The following PARD3B variants were observed in gnomAD, a reference collection of about 807,000 sequenced individuals.
The protein encoded by PARD3B is par-3 family cell polarity regulator beta.
Under a neutral mutation model 130.2 loss-of-function variants are expected in PARD3B, and 103 were observed. The ratio of observed to expected loss-of-function variants is 0.79; its 90% confidence interval spans 0.67 to 0.93. The LOEUF is 0.93. PARD3B is among the 40% of genes least tolerant of loss of function. The pLI is 0.00. For synonymous variants in PARD3B, 583 were observed against 553.2 expected, an observed-to-expected ratio of 1.05 and a Z score of -0.76; for missense variants, 1,609 against 1,499.2, an observed-to-expected ratio of 1.07 and a Z score of -1.21.
intron 2 of PARD3B, among the ~76,000 whole-genome samples, chr2:204,950,388 TA>T (rs376780922): frequency 1.9e-4 from 29 of 152,288 alleles, no homozygotes; most frequent in African/African-American, 6.5e-4. Flanking sequence ...TCCCTACATT[TA>T]AAAAGTGGTG....
chr2:205,036,408 G>A (rs1353486521), intron 3 of PARD3B, among the ~76,000 whole-genome samples: 2 of 146,120 alleles, frequency 1.4e-5, no homozygotes, highest in Non-Finnish European at 3.0e-5. Context: ...TACGTATATA[G>A]CAGACTATAT....
intron 4 of PARD3B, among the ~76,000 whole-genome samples, chr2:205,079,249 C>G (rs1444573738): frequency 6.6e-6 from 1 of 152,156 alleles, no homozygotes; most frequent in African/African-American, 2.4e-5. Flanking sequence ...TCTCAAAAAG[C>G]TAATCCAATG....
chr2:204,774,719 C>T (rs1013566635), intron 2 of PARD3B, among the ~76,000 whole-genome samples: 1 of 152,028 alleles, frequency 6.6e-6, no homozygotes, highest in Non-Finnish European at 1.5e-5. Flanking sequence ...GTAAGAATAC[C>T]TTTGCATAAG....
At chr2:205,072,219 A>T (rs1034720048) in intron 4 of PARD3B, among the ~76,000 whole-genome samples, 3 of 149,400 alleles carry the variant, frequency 2.0e-5, no homozygotes, top group Admixed American at 6.9e-5. Context: ...TTTGGACTTC[A>T]TAATTAAAAT....
chr2:205,378,705 C>T (rs942277924), intron 18 of PARD3B, among the ~76,000 whole-genome samples: 2 of 149,804 alleles, frequency 1.3e-5, no homozygotes, highest in Non-Finnish European at 3.0e-5. Context: ...GATCTCAGCT[C>T]ACTGCAACCT....
intron 2 of PARD3B, among the ~76,000 whole-genome samples, chr2:204,730,556 G>A (rs1163895639): frequency 1.4e-5 from 2 of 145,742 alleles, no homozygotes; most frequent in African/African-American, 5.2e-5. Flanking sequence ...AAGCAATCTT[G>A]CAGACAGATG....
At position 205,606,833 on chromosome 2, in the gene PARD3B, G is replaced by A. The variant is rs151182309; in HGVS notation, c.3261-8623G>A. ...AGGTTATTTGCAGAGCAGGTAACACGTCTTACAAACCCCCATAGCCACAGG... is the reference window on the plus strand; with the variant it reads ...AGGTTATTTGCAGAGCAGGTAACACATCTTACAAACCCCCATAGCCACAGG... On this transcript the variant is annotated intron_variant, in intron 22 of 22. Coordinates refer to ENST00000406610, the MANE Select transcript of PARD3B (RefSeq NM_001302769.2). 9.7e-4 allele frequency among the ~76,000 whole-genome samples: 147 copies of A among 152,168 alleles called. 1 individual carries two copies. The highest frequency in any genetic ancestry group is 3.4e-3 in the African/African-American group (143 of 41,502).
intron 2 of PARD3B, among the ~76,000 whole-genome samples, chr2:204,849,144 A>T (rs558550804): frequency 6.6e-6 from 1 of 152,138 alleles, no homozygotes; most frequent in African/African-American, 2.4e-5. Flanking sequence ...CTATTGGAAA[A>T]AGACATCCAC....
At chr2:204,866,526 C>T (rs1218956382) in intron 2 of PARD3B, among the ~76,000 whole-genome samples, 1 of 152,002 alleles carries the variant, frequency 6.6e-6, no homozygotes, top group Non-Finnish European at 1.5e-5. Flanking sequence ...GTATTGACCT[C>T]CTACTTATTA....
chr2:204,796,288 A>G (rs577780077), intron 2 of PARD3B, among the ~76,000 whole-genome samples: 10 of 152,322 alleles, frequency 6.6e-5, no homozygotes, highest in African/African-American at 1.9e-4. Context: ...GAGCAATATG[A>G]CACTGCATAA....
At chr2:204,757,637 A>G (rs929549157) in intron 2 of PARD3B, among the ~76,000 whole-genome samples, 1 of 152,142 alleles carries the variant, frequency 6.6e-6, no homozygotes, top group Admixed American at 6.6e-5. Flanking sequence ...TCAGATAAAG[A>G]TACCTTTGTG....
chr2:205,580,276 A>T (rs2053913690), intron 22 of PARD3B, among the ~76,000 whole-genome samples: 1 of 152,206 alleles, frequency 6.6e-6, no homozygotes, highest in South Asian at 2.1e-4. Context: ...TAATAAATTT[A>T]GGTCTTTTTT....
intron 1 of PARD3B, among the ~76,000 whole-genome samples, chr2:204,617,052 C>T (rs543639932): frequency 3.9e-4 from 60 of 152,248 alleles, no homozygotes; most frequent in Non-Finnish European, 7.5e-4. Flanking sequence ...AGTTTTTTCT[C>T]TCCACGGCCT....
intron 3 of PARD3B, among the ~76,000 whole-genome samples, chr2:205,024,640 A>G (rs1696879865): frequency 1.3e-5 from 2 of 152,224 alleles, no homozygotes; most frequent in South Asian, 4.1e-4. Context: ...GTCATGCTAG[A>G]CCAAGGTTAG....
intron 18 of PARD3B, among the ~76,000 whole-genome samples, chr2:205,387,032 A>G (rs1278308428): frequency 6.6e-6 from 1 of 152,204 alleles, no homozygotes; most frequent in Non-Finnish European, 1.5e-5. Context: ...TTATTTTTGA[A>G]ATATGTTGGT....
At chr2:204,566,366 T>G (rs1230862364) in intron 1 of PARD3B, among the ~76,000 whole-genome samples, 1 of 152,200 alleles carries the variant, frequency 6.6e-6, no homozygotes, top group African/African-American at 2.4e-5. Context: ...ACTGCCATGT[T>G]TTTTTTAAAC....
At chr2:205,384,629 C>T (rs1052678158) in intron 18 of PARD3B, among the ~76,000 whole-genome samples, 5 of 152,202 alleles carry the variant, frequency 3.3e-5, no homozygotes, top group Non-Finnish European at 5.9e-5. Context: ...ACGGCAAAGC[C>T]TGAGGTTAAT....
Position 205,458,950 on chromosome 2 carries a change from T to C in PARD3B, c.3044+18278T>C, listed in dbSNP as rs2106219198. Among the ~76,000 whole-genome samples the C allele has an allele frequency of 6.6e-6, 1 of 152,298 alleles. No homozygotes were observed. Reference sequence around the variant, plus strand: ...TGTGAGGGGTAGTGTATTAGTTTACTCTTACTCCTAGAGGGTAACCTTTCT... The same window carrying C: ...TGTGAGGGGTAGTGTATTAGTTTACCCTTACTCCTAGAGGGTAACCTTTCT... On this transcript the variant is annotated intron_variant, in intron 20 of 22. Transcript: ENST00000406610. The surrounding 1 kb of genome is among the most constrained non-coding windows in gnomAD (Gnocchi z 4.8).
At chr2:205,549,992 CACAGTAGGAGCA>C (rs2052546652) in intron 21 of PARD3B, among the ~76,000 whole-genome samples, 1 of 152,108 alleles carries the variant, frequency 6.6e-6, no homozygotes, top group South Asian at 2.1e-4. Flanking sequence ...CAGCAATAGC[CACAGTAGGAGCA>C]ACAGTAGTAT....
Sources: gnomAD v4.1 joint callset for allele counts (sites outside exome capture counted in the v4.1 genomes callset) on GRCh38, gnomAD v4.1.1 for gene constraint, Gnocchi (gnomAD v3.1) non-coding constraint, MANE v1.5 for transcripts, NCBI Gene and HGNC (gene_info 2026-07-23, HGNC 2026-07-21) for gene names.